The following KDM4C variants were observed in gnomAD, a reference collection of about 807,000 sequenced individuals.
KDM4C encodes lysine-specific demethylase 4C.
A neutral mutation model predicts 129.3 loss-of-function variants in KDM4C; 81 were observed. The observed-to-expected ratio is 0.63, with a 90% CI of 0.52 to 0.75. The LOEUF (loss-of-function observed/expected upper bound fraction) is 0.75, where lower values mean the gene tolerates loss of function less well. Ranked by LOEUF, KDM4C falls within the 30% of genes least tolerant of loss-of-function variation. The probability of loss-of-function intolerance (pLI) is 0.00; values close to 1 mark genes in which losing one functional copy is unlikely to be tolerated. For synonymous variants in KDM4C, 573 were observed against 456.1 expected, an observed-to-expected ratio of 1.26 and a Z score of -3.26; for missense variants, 1,457 against 1,304.0, an observed-to-expected ratio of 1.12 and a Z score of -1.81.
chr9:6,750,241 C>A (rs1475892517), intron 1 of KDM4C, among the ~76,000 whole-genome samples: 1 of 151,768 alleles, frequency 6.6e-6, no homozygotes, highest in Non-Finnish European at 1.5e-5. Context: ...GAGTTCGAGA[C>A]CAGCCTGACC....
chr9:6,912,480 A>G (rs1343086265), intron 8 of KDM4C, among the ~76,000 whole-genome samples: 2 of 152,214 alleles, frequency 1.3e-5, no homozygotes, highest in African/African-American at 2.4e-5. Flanking sequence ...TCATTGTAGA[A>G]TGAATGAATA....
At chr9:6,730,700 T>A (rs1297412725) in intron 1 of KDM4C, among the ~76,000 whole-genome samples, 2 of 152,022 alleles carry the variant, frequency 1.3e-5, no homozygotes, top group Non-Finnish European at 2.9e-5. Context: ...TCACAGCAGA[T>A]ATTCAGAGAG....
intron 8 of KDM4C, among the ~76,000 whole-genome samples, chr9:6,967,747 G>T (rs1831254360): frequency 6.6e-6 from 1 of 152,140 alleles, no homozygotes; most frequent in African/African-American, 2.4e-5. Context: ...TTATCCTCGA[G>T]TTCAGAGTTC....
intron 5 of KDM4C, among the ~76,000 whole-genome samples, chr9:6,870,682 G>T (rs1443674739): frequency 1.3e-5 from 2 of 152,000 alleles, no homozygotes; most frequent in Non-Finnish European, 2.9e-5. Context: ...ATGGGGCCGG[G>T]GGATCATTTT....
chr9:7,065,092 A>T (rs1162902646), intron 17 of KDM4C, among the ~76,000 whole-genome samples: 2 of 152,198 alleles, frequency 1.3e-5, no homozygotes, highest in African/African-American at 2.4e-5. Context: ...TTTGTTGCCA[A>T]GATGTGTGGC....
intron 2 of KDM4C, among the ~76,000 whole-genome samples, chr9:6,794,989 C>T (rs1588312251): frequency 6.6e-6 from 1 of 152,132 alleles, no homozygotes; most frequent in African/African-American, 2.4e-5. Flanking sequence ...TATTTCATTG[C>T]ACTTGTTTCA....
At chr9:7,042,277 T>G (rs1828729321) in intron 15 of KDM4C, among the ~76,000 whole-genome samples, 1 of 152,052 alleles carries the variant, frequency 6.6e-6, no homozygotes, top group South Asian at 2.1e-4. Flanking sequence ...TGCATTATAT[T>G]AAACATTGTG....
At chr9:7,154,421 G>C (rs1177332780) in intron 19 of KDM4C, among the ~76,000 whole-genome samples, 4 of 152,206 alleles carry the variant, frequency 2.6e-5, no homozygotes, top group Non-Finnish European at 5.9e-5. Flanking sequence ...GCTCACAGAT[G>C]GGGCTACCTG....
chr9:6,978,859 C>G (rs953999791), intron 8 of KDM4C: 3 of 152,208 alleles, frequency 2.0e-5, no homozygotes, highest in African/African-American at 7.2e-5. Flanking sequence ...GGAGCACACT[C>G]CTCTTTGACC....
chr9:6,762,630 A>G (rs575164423), intron 1 of KDM4C, among the ~76,000 whole-genome samples: 249 of 147,770 alleles, frequency 1.7e-3, no homozygotes, highest in South Asian at 4.6e-3. Flanking sequence ...TTTATATTAT[A>G]TAATATATAA....
At chr9:6,760,539 CTTTTTTATT>C (rs976274320) in intron 1 of KDM4C, among the ~76,000 whole-genome samples, 2 of 141,720 alleles carry the variant, frequency 1.4e-5, no homozygotes, top group Admixed American at 1.4e-4. Flanking sequence ...GGGTGATACT[CTTTTTTATT>C]TATTTATTTA....
intron 9 of KDM4C, 68 bp from the exon 10 acceptor site, chr9:6,984,098 A>T: frequency 1.1e-6 from 1 of 941,174 alleles, no homozygotes; most frequent in Non-Finnish European, 1.7e-6. Context: ...AATGACATTT[A>T]TATTGGGATG....
chr9:6,834,726 A>G (rs1835544908), intron 4 of KDM4C: 2 of 944,652 alleles, frequency 2.1e-6, no homozygotes, highest in Non-Finnish European at 1.8e-6. Context: ...CACACCTTCT[A>G]AAGGGAGCTG....
chr9:6,852,818 T>A (rs1839098617), intron 5 of KDM4C, among the ~76,000 whole-genome samples: 1 of 152,168 alleles, frequency 6.6e-6, no homozygotes, highest in Non-Finnish European at 1.5e-5. Context: ...TACGGGCCCA[T>A]GCTGCTCTCA....
chr9:7,034,747 C>T (rs1002876025), intron 15 of KDM4C, among the ~76,000 whole-genome samples: 1 of 152,082 alleles, frequency 6.6e-6, no homozygotes, highest in Non-Finnish European at 1.5e-5. Flanking sequence ...TTTGAAGAAA[C>T]TTCATATTGT....
intron 17 of KDM4C, among the ~76,000 whole-genome samples, chr9:7,085,203 C>T (rs1834972452): frequency 6.6e-6 from 1 of 152,222 alleles, no homozygotes; most frequent in Non-Finnish European, 1.5e-5. Flanking sequence ...AGAGGAGGAG[C>T]ACACTGGGCT....
At chr9:6,806,586 A>G (rs1830017014) in intron 3 of KDM4C, among the ~76,000 whole-genome samples, 1 of 152,068 alleles carries the variant, frequency 6.6e-6, no homozygotes, top group Admixed American at 6.6e-5. Flanking sequence ...AAGGTCAGGA[A>G]TCTGACCTTC....
At chr9:6,862,080 G>GT (rs1841041545) in intron 5 of KDM4C, among the ~76,000 whole-genome samples, 1 of 152,030 alleles carries the variant, frequency 6.6e-6, no homozygotes, top group Non-Finnish European at 1.5e-5. Context: ...CCTACAATAT[G>GT]TATTTCTGAG....
chr9:6,924,164 A>G (rs1822052273), intron 8 of KDM4C, among the ~76,000 whole-genome samples: 1 of 152,152 alleles, frequency 6.6e-6, no homozygotes, highest in South Asian at 2.1e-4. Flanking sequence ...TTTAATACAG[A>G]ATAAGAACAT....
Sources: allele counts gnomAD v4.1 joint callset (sites outside exome capture counted in the v4.1 genomes callset), GRCh38; gene constraint gnomAD v4.1.1; transcripts MANE v1.5; gene names NCBI Gene and HGNC (gene_info 2026-07-23, HGNC 2026-07-21).